The following PTPN4 variants were observed in gnomAD, a reference collection of about 807,000 sequenced individuals.
The protein encoded by PTPN4 is tyrosine-protein phosphatase non-receptor type 4.
A neutral mutation model predicts 135.5 loss-of-function variants in PTPN4; 49 were observed. That is an observed-to-expected ratio of 0.36 (90% CI 0.29 to 0.46). The LOEUF is 0.46. PTPN4 is among the 20% of genes least tolerant of loss of function. The probability of loss-of-function intolerance (pLI) is 1.00; values close to 1 mark genes in which losing one functional copy is unlikely to be tolerated. For missense variants in PTPN4, 860 were observed against 1,101.0 expected, an observed-to-expected ratio of 0.78 and a Z score of 3.10; for synonymous variants, 333 against 369.9, an observed-to-expected ratio of 0.90 and a Z score of 1.14.
chr2:119,966,037 G>T (rs1417538507), intron 25 of PTPN4, among the ~76,000 whole-genome samples: 1 of 152,164 alleles, frequency 6.6e-6, no homozygotes, highest in Non-Finnish European at 1.5e-5. Context: ...TCTGGATGCT[G>T]GGAAGTTCAA....
At chr2:119,972,365 T>G (rs1440005786) in intron 26 of PTPN4, among the ~76,000 whole-genome samples, 1 of 151,760 alleles carries the variant, frequency 6.6e-6, no homozygotes, top group East Asian at 1.9e-4. Context: ...TTATTTAAAT[T>G]TATTCCTCAG....
chr2:119,784,064 A>G (rs1187741653), intron 1 of PTPN4, among the ~76,000 whole-genome samples: 1 of 152,174 alleles, frequency 6.6e-6, no homozygotes, highest in Non-Finnish European at 1.5e-5. Flanking sequence ...GCTTCTTAAC[A>G]GCATGTTAGA....
At chr2:119,880,698 C>G (rs1300950322) in intron 5 of PTPN4, among the ~76,000 whole-genome samples, 1 of 151,798 alleles carries the variant, frequency 6.6e-6, no homozygotes, top group Non-Finnish European at 1.5e-5. Flanking sequence ...CCTCGGCCTC[C>G]CAGATAACTT....
rs766871526 is a variant in PTPN4 at position 119,962,630 on chromosome 2, A to G, written c.2295A>G (p.Gln765=). 1.5e-5 allele frequency: 23 copies of G among 1,524,658 alleles called. No homozygotes were observed. The highest frequency in any genetic ancestry group is 2.6e-5 in the South Asian group (2 of 75,984). The allele number at this position is 1,524,658 out of a possible 1,614,324, so 94.4% of individuals were successfully genotyped here. ...QVERGRVKCH[Q]YWPEPTGSSS... ...ATCAATATCAGGTTAAATGTCACCA[A>G]TATTGGCCAGAACCCACAGGCAGTT... is the stretch of plus-strand genomic sequence containing the variant. Residue 765 remains glutamine, a synonymous_variant, in exon 24 of 27, where the codon CAA becomes CAG. Coordinates refer to ENST00000263708, the MANE Select transcript of PTPN4 (RefSeq NM_002830.4).
intron 2 of PTPN4, among the ~76,000 whole-genome samples, chr2:119,810,475 C>G (rs1193197691): frequency 6.6e-6 from 1 of 152,088 alleles, no homozygotes; most frequent in African/African-American, 2.4e-5. Context: ...GTGAGTTTTA[C>G]CCATGTGGTG....
intron 23 of PTPN4, among the ~76,000 whole-genome samples, chr2:119,961,529 G>A (rs72952823): frequency 0.025 from 3,871 of 152,264 alleles, 171 homozygotes; most frequent in African/African-American, 0.087. Context: ...TAAACGTCGA[G>A]TTGGTATAAC....
At chr2:119,919,778 C>T (rs1366599829) in intron 11 of PTPN4, among the ~76,000 whole-genome samples, 3 of 143,334 alleles carry the variant, frequency 2.1e-5, no homozygotes, top group African/African-American at 5.3e-5. Context: ...GAGCCAAGAT[C>T]GTGCCACTGC....
intron 1 of PTPN4, among the ~76,000 whole-genome samples, chr2:119,809,152 T>G (rs909279889): frequency 6.6e-6 from 1 of 152,038 alleles, no homozygotes; most frequent in African/African-American, 2.4e-5. Context: ...AGAATTTTCT[T>G]TCACAACTTT....
At chr2:119,784,363 G>A (rs1691004613) in intron 1 of PTPN4, among the ~76,000 whole-genome samples, 1 of 143,986 alleles carries the variant, frequency 6.9e-6, no homozygotes, top group African/African-American at 2.6e-5. Flanking sequence ...GGCTACAGGT[G>A]CACACCACCA....
chr2:119,820,649 C>A (rs868370267), intron 2 of PTPN4, among the ~76,000 whole-genome samples: 30 of 152,130 alleles, frequency 2.0e-4, no homozygotes, highest in Middle Eastern at 3.2e-3. Context: ...TTGAACCCAC[C>A]ATTCATAATG....
Position 119,877,407 on chromosome 2 carries a change from A to G in PTPN4, c.289+42A>G, listed in dbSNP as rs2104998331. On this transcript the variant is annotated intron_variant, in intron 4 of 26. Transcript: ENST00000263708. The stretch of plus-strand genomic sequence containing the variant: ...ACTTAATGTTTTGCAAGTTTACTTT[A>G]TAAAGATAAAGGATTAATATAGTCT... The G allele has an allele frequency of 4.4e-6, 7 of 1,608,594 alleles. 1 individual carries two copies. The South Asian group carries it at 5.6e-5, about 13-fold the overall frequency.
In PTPN4 at chr2:119,882,270, G is replaced by A. The variant is rs1023326275; in HGVS notation, c.466+121G>A. 6 of 1,118,888 alleles carry A rather than the reference G, an allele frequency of 5.4e-6. No individual in the cohort carries two copies. In the African/African-American group the frequency reaches 6.3e-5, roughly 12 times the overall value. The allele number at this position is 1,118,888 out of a possible 1,614,324, so 69.3% of individuals were successfully genotyped here. A position where few individuals can be genotyped will look rare whatever the true frequency, so the allele number is the denominator to read the frequency against. On this transcript the variant is annotated intron_variant, in intron 7 of 26. Transcript: ENST00000263708. ...CTATATAGAAAATAGTGACTGCAGTGGAAATGTAATGAAATCTCCAGTTAG... is the reference window on the plus strand; with the variant it reads ...CTATATAGAAAATAGTGACTGCAGTAGAAATGTAATGAAATCTCCAGTTAG...
intron 1 of PTPN4, among the ~76,000 whole-genome samples, chr2:119,799,802 T>G (rs1178630021): frequency 6.6e-6 from 1 of 152,176 alleles, no homozygotes; most frequent in Non-Finnish European, 1.5e-5. Context: ...TCTTTTCCTG[T>G]GTCTTCACTT....
At chr2:119,788,592 A>G (rs747823355) in intron 1 of PTPN4, among the ~76,000 whole-genome samples, 1 of 152,146 alleles carries the variant, frequency 6.6e-6, no homozygotes, top group Non-Finnish European at 1.5e-5. Flanking sequence ...TCTGTACCCA[A>G]TAAACATCTC....
At chr2:119,855,260 A>G (rs1035211466) in intron 2 of PTPN4, among the ~76,000 whole-genome samples, 3 of 152,200 alleles carry the variant, frequency 2.0e-5, no homozygotes, top group Non-Finnish European at 4.4e-5. Context: ...AAGATAATGC[A>G]GTTTCCAGAA....
intron 1 of PTPN4, among the ~76,000 whole-genome samples, chr2:119,791,799 G>A (rs1200524963): frequency 6.6e-6 from 1 of 152,176 alleles, no homozygotes; most frequent in Non-Finnish European, 1.5e-5. Flanking sequence ...AGGTCATTAA[G>A]TTTCTTGGAT....
At position 119,926,125 on chromosome 2, in the gene PTPN4, C is replaced by T. The variant is rs11679603; in HGVS notation, c.1002-473C>T. Among the ~76,000 whole-genome samples the T allele has an allele frequency of 2.2e-4, 33 of 152,068 alleles. No homozygotes were observed. The South Asian group carries it at 5.0e-3, about 23-fold the overall frequency. ...TTGTATATGGTTACATTTGATATAC[C>T]GCAAATTTATGTTAATTCACAGTTA... On this transcript the variant is annotated intron_variant, in intron 12 of 26. Coordinates refer to ENST00000263708, the MANE Select transcript of PTPN4 (RefSeq NM_002830.4).
At chr2:119,975,961 AT>A (rs1305607280) in intron 26 of PTPN4, among the ~76,000 whole-genome samples, 8 of 149,120 alleles carry the variant, frequency 5.4e-5, no homozygotes, top group Non-Finnish European at 1.2e-4. Flanking sequence ...ATAAGAAACT[AT>A]TTTTATTTAT....
At chr2:119,969,552 C>CTTTTTTTTTTT (rs35531556) in intron 26 of PTPN4, among the ~76,000 whole-genome samples, 2 of 113,860 alleles carry the variant, frequency 1.8e-5, no homozygotes, top group African/African-American at 7.0e-5. Flanking sequence ...TAATCAATTT[C>CTTTTTTTTTTT]TTTTTTTTTT....
Sources: allele counts gnomAD v4.1 joint callset (sites outside exome capture counted in the v4.1 genomes callset), GRCh38; gene constraint gnomAD v4.1.1; transcripts MANE v1.5; gene names NCBI Gene and HGNC (gene_info 2026-07-23, HGNC 2026-07-21).